Variants in UGGT2 observed in about 807,000 individuals in gnomAD.
The protein encoded by UGGT2 is UDP-glucose:glycoprotein glucosyltransferase 2.
Under a neutral mutation model 192.1 loss-of-function variants are expected in UGGT2, and 180 were observed. That is an observed-to-expected ratio of 0.94 (90% confidence interval 0.83 to 1.06). The LOEUF (loss-of-function observed/expected upper bound fraction) is 1.06. Ranked by LOEUF, UGGT2 falls within the 50% of genes least tolerant of loss-of-function variation. The pLI is 0.00. For missense variants in UGGT2, 1,849 were observed against 1,795.7 expected (o/e 1.03, Z -0.54); for synonymous variants, 580 against 591.0 (o/e 0.98, Z 0.27).
Position 95,927,319 on chromosome 13 carries a change from G to A in UGGT2, c.1995C>T (p.Arg665=). The A allele has an allele frequency of 6.2e-7, 1 of 1,606,608 alleles. No individual in the cohort carries two copies. Among genetic ancestry groups the A allele is most frequent in the Non-Finnish European group, 8.5e-7 (1 of 1,178,176 alleles). ...CCATTAGAAAATCAATTGCATTCGT[G>A]CGATCATTTAATGTGCCCTAAAAAA... The part of the protein sequence containing the change: ...REVFLGTLND[R]TNAIDFLMDR... Residue 665 remains arginine (R), a synonymous_variant, in exon 18 of 39, where the codon CGC becomes CGT. Coordinates refer to ENST00000376747, the MANE Select transcript of UGGT2 (RefSeq NM_020121.4).
intron 22 of UGGT2, among the ~76,000 whole-genome samples, chr13:95,899,168 C>A (rs993477907): frequency 6.6e-6 from 1 of 152,222 alleles, no homozygotes; most frequent in Non-Finnish European, 1.5e-5. Context: ...AAGCAGAGAG[C>A]AGCCCTCACC....
intron 12 of UGGT2, among the ~76,000 whole-genome samples, chr13:95,954,737 T>C (rs2050164103): frequency 6.6e-6 from 1 of 152,208 alleles, no homozygotes; most frequent in Non-Finnish European, 1.5e-5. Flanking sequence ...TGATGTCTTA[T>C]GTCTCCCTAA....
intron 15 of UGGT2, among the ~76,000 whole-genome samples, chr13:95,941,953 G>C (rs1291806613): frequency 6.6e-6 from 1 of 151,964 alleles, no homozygotes; most frequent in Admixed American, 6.6e-5. Flanking sequence ...AGTTTTATGC[G>C]AATACGTATT....
intron 17 of UGGT2, among the ~76,000 whole-genome samples, chr13:95,932,349 G>GTGTGTGTGTGTGTGTA (rs1265510232): frequency 1.4e-5 from 2 of 146,638 alleles, no homozygotes; most frequent in South Asian, 4.4e-4. Flanking sequence ...GTGTGTGTGT[G>GTGTGTGTGTGTGTGTA]TGTATGGCTA....
At position 95,960,824 on chromosome 13, in the gene UGGT2, G is replaced by A. The variant is rs528962636; in HGVS notation, c.1335+9288C>T. 6.0e-4 allele frequency among the ~76,000 whole-genome samples: 92 copies of A among 152,264 alleles called. 1 individual carries two copies. The highest frequency in any genetic ancestry group is 1.9e-3 in the African/African-American group (77 of 41,568). On this transcript the variant is annotated intron_variant, in intron 12 of 38. Coordinates refer to ENST00000376747, the MANE Select transcript of UGGT2 (RefSeq NM_020121.4). ...AAGCATCTAGTGGGAACACCCATCA[G>A]ATTAACAGCAGATTTCTCCACAGAA...
At chr13:95,823,979 T>C (rs944238313) in intron 38 of UGGT2, among the ~76,000 whole-genome samples, 9 of 152,174 alleles carry the variant, frequency 5.9e-5, no homozygotes, top group African/African-American at 1.9e-4. Context: ...GCAAATTCCC[T>C]GAGCATGTGT....
intron 20 of UGGT2, among the ~76,000 whole-genome samples, chr13:95,903,693 A>C (rs569235516): frequency 6.6e-6 from 1 of 152,312 alleles, no homozygotes; most frequent in East Asian, 1.9e-4. Context: ...TCATATGAAT[A>C]TACAGTCTTT....
intron 36 of UGGT2, among the ~76,000 whole-genome samples, chr13:95,851,645 G>A (rs1277417594): frequency 6.6e-6 from 1 of 152,092 alleles, no homozygotes; most frequent in Admixed American, 6.6e-5. Context: ...CAAACAAGAA[G>A]TGCTCACTAC....
At chr13:95,831,013 C>G (rs1254792625) in intron 38 of UGGT2, among the ~76,000 whole-genome samples, 1 of 151,606 alleles carries the variant, frequency 6.6e-6, no homozygotes, top group Admixed American at 6.6e-5. Context: ...TCATTCTCAT[C>G]AAACTATCAC....
chr13:95,992,071 G>A (rs929631919), intron 7 of UGGT2, among the ~76,000 whole-genome samples: 1 of 152,164 alleles, frequency 6.6e-6, no homozygotes, highest in African/African-American at 2.4e-5. Flanking sequence ...GCTGAGGCAG[G>A]AGAATTGCTT....
chr13:95,825,876 T>C (rs1158991558), intron 38 of UGGT2, among the ~76,000 whole-genome samples: 1 of 152,126 alleles, frequency 6.6e-6, no homozygotes, highest in African/African-American at 2.4e-5. Flanking sequence ...TCCCTTGATG[T>C]GGTGCTCTTC....
At chr13:96,013,223 A>T in intron 5 of UGGT2, 84 bp downstream of exon 5, 1 of 1,318,160 alleles carries the variant, frequency 7.6e-7, no homozygotes, top group Non-Finnish European at 1.0e-6. Context: ...GGTGAAAATT[A>T]ATATTTAAAT....
At chr13:96,036,248 T>C (rs2052999104) in intron 1 of UGGT2, among the ~76,000 whole-genome samples, 1 of 152,212 alleles carries the variant, frequency 6.6e-6, no homozygotes, top group Non-Finnish European at 1.5e-5. Context: ...GTCATGTCTT[T>C]TGCAGAAACA....
In UGGT2 at chr13:95,888,506, A is replaced by G. The variant is rs187187802; in HGVS notation, c.2959-535T>C. Among the ~76,000 whole-genome samples, 7 of 152,336 alleles carry G rather than the reference A, an allele frequency of 4.6e-5. No individual in the cohort carries two copies. In the East Asian group the frequency reaches 1.2e-3, roughly 25 times the overall value. On this transcript the variant is annotated intron_variant, in intron 25 of 38. Coordinates refer to ENST00000376747, the MANE Select transcript of UGGT2 (RefSeq NM_020121.4). ...TCAGTGAAGATTCTAAAGCTGTTAGATAACAAATGATATAGGTAAAGGGAG... is the reference window on the plus strand; with the variant it reads ...TCAGTGAAGATTCTAAAGCTGTTAGGTAACAAATGATATAGGTAAAGGGAG...
At chr13:95,888,050 G>T in intron 25 of UGGT2, 79 bp from the exon 26 acceptor site, 2 of 967,008 alleles carry the variant, frequency 2.1e-6, no homozygotes, top group African/African-American at 3.3e-5. Flanking sequence ...TATGTACCAG[G>T]TACTATATTA....
rs2051406370 is a variant in UGGT2 at position 95,989,968 on chromosome 13, T to C, written c.931+5A>G. 3 of 1,590,902 alleles carry C rather than the reference T, an allele frequency of 1.9e-6. No individual in the cohort carries two copies. Among genetic ancestry groups the C allele is most frequent in the African/African-American group, 1.3e-5 (1 of 74,170 alleles). On this transcript the variant is annotated splice_donor_5th_base_variant and intron_variant, in intron 8 of 38. Transcript: ENST00000376747. ...GCTGTGTTAAAGTATCTCAAAATACTATACCTTGTAGTTCCCAGACTTTCA... is the reference window on the plus strand; with the variant it reads ...GCTGTGTTAAAGTATCTCAAAATACCATACCTTGTAGTTCCCAGACTTTCA...
In UGGT2 at chr13:96,053,322, A is replaced by AG; in HGVS notation, c.-11dup. ...CTTTCGCTGGCGCCATGGCACGGAGAGAAAAGCGCGAGTCCCTCGGACCCG... is the reference window on the plus strand; with the variant it reads ...CTTTCGCTGGCGCCATGGCACGGAGAGGAAAAGCGCGAGTCCCTCGGACCCG... On this transcript the variant is annotated 5_prime_UTR_variant, in exon 1 of 39. Transcript: ENST00000376747. The AG allele has an allele frequency of 6.3e-7, 1 of 1,581,342 alleles. No individual in the cohort carries two copies.
At chr13:96,013,552 C>T (rs1169700498) in intron 4 of UGGT2, 71 bp from the exon 5 acceptor site, 2 of 1,057,114 alleles carry the variant, frequency 1.9e-6, no homozygotes, top group East Asian at 5.8e-5. Context: ...TGTATAATTA[C>T]TGCTTATCAA....
At chr13:96,037,475 G>A (rs747060903) in intron 1 of UGGT2, among the ~76,000 whole-genome samples, 1 of 152,204 alleles carries the variant, frequency 6.6e-6, no homozygotes, top group Non-Finnish European at 1.5e-5. Flanking sequence ...GGGACTACAG[G>A]CCTGAGCCAC....
Sources: allele counts gnomAD v4.1 joint callset (sites outside exome capture counted in the v4.1 genomes callset), GRCh38; gene constraint gnomAD v4.1.1; transcripts MANE v1.5; gene names NCBI Gene and HGNC (gene_info 2026-07-23, HGNC 2026-07-21).